Variants in ZNF423 observed in about 807,000 individuals in gnomAD.
The protein encoded by ZNF423 is Ebf-associated zinc finger protein.
A neutral mutation model predicts 95.8 loss-of-function variants in ZNF423; 12 were observed. That is an observed-to-expected ratio of 0.13 (90% confidence interval 0.08 to 0.20). The LOEUF (loss-of-function observed/expected upper bound fraction) is 0.20, where lower values mean the gene tolerates loss of function less well. ZNF423 is among the 10% of genes least tolerant of loss of function. The probability of loss-of-function intolerance (pLI) is 1.00; values close to 1 mark genes in which losing one functional copy is unlikely to be tolerated. For synonymous variants in ZNF423, 749 were observed against 711.9 expected (o/e 1.05, Z -0.83); for missense variants, 1,316 against 1,737.1 (o/e 0.76, Z 4.31).
chr16:49,789,461 T>G lies in ZNF423; in HGVS notation c.100+26A>C, dbSNP rs1360948918. The G allele has an allele frequency of 1.9e-6, 3 of 1,608,582 alleles. No individual in the cohort carries two copies. In the Admixed American group the frequency reaches 5.1e-5, roughly 28 times the overall value. On this transcript the variant is annotated intron_variant, in intron 2 of 7. Coordinates refer to ENST00000563137, the MANE Select transcript of ZNF423 (RefSeq NM_001379286.1). ...GCCAGCCCCCAGGACCCCCTGCAAC[T>G]CTTCCACCAGCCCCCGGGCATTTAC...
intron 7 of ZNF423, among the ~76,000 whole-genome samples, chr16:49,505,418 A>G (rs1967590800): frequency 6.6e-6 from 1 of 152,206 alleles, no homozygotes; most frequent in African/African-American, 2.4e-5. Flanking sequence ...AAATTTCTAG[A>G]AAATTAAGTC....
chr16:49,550,897 T>C (rs1422795532), intron 5 of ZNF423, among the ~76,000 whole-genome samples: 2 of 152,164 alleles, frequency 1.3e-5, no homozygotes, highest in Non-Finnish European at 2.9e-5. Context: ...TGCCTGGGAG[T>C]GACCTCCATC....
At chr16:49,678,452 G>T (rs959919843) in intron 3 of ZNF423, among the ~76,000 whole-genome samples, 1 of 152,194 alleles carries the variant, frequency 6.6e-6, no homozygotes, top group Non-Finnish European at 1.5e-5. Context: ...ATATCACAAA[G>T]TCCCTGTCCT....
chr16:49,624,057 G>T (rs1050152860), intron 5 of ZNF423, among the ~76,000 whole-genome samples: 1 of 152,140 alleles, frequency 6.6e-6, no homozygotes, highest in African/African-American at 2.4e-5. Flanking sequence ...GTATTTGTCA[G>T]CATTTACTAA....
At chr16:49,844,826 C>T (rs899123196) in intron 1 of ZNF423, among the ~76,000 whole-genome samples, 1 of 152,072 alleles carries the variant, frequency 6.6e-6, no homozygotes. Context: ...CACCTGAGGT[C>T]GGGAGATCAA....
intron 3 of ZNF423, among the ~76,000 whole-genome samples, chr16:49,672,899 G>A (rs539262991): frequency 6.6e-6 from 1 of 152,064 alleles, no homozygotes; most frequent in Non-Finnish European, 1.5e-5. Context: ...TAAATGTACC[G>A]AGTGTCCACA....
chr16:49,662,835 C>A (rs553728315), intron 3 of ZNF423, among the ~76,000 whole-genome samples: 1 of 152,350 alleles, frequency 6.6e-6, no homozygotes, highest in East Asian at 1.9e-4. Flanking sequence ...CCAGAGCATG[C>A]AAACTTTTCA....
intron 1 of ZNF423, among the ~76,000 whole-genome samples, chr16:49,800,575 G>GACACACAC (rs71138006): frequency 6.7e-6 from 1 of 150,050 alleles, no homozygotes; most frequent in African/African-American, 2.5e-5. Flanking sequence ...ACCTGGACAT[G>GACACACAC]ACACACACAC....
chr16:49,653,927 T>C (rs148350504), intron 3 of ZNF423, among the ~76,000 whole-genome samples: 1 of 152,296 alleles, frequency 6.6e-6, no homozygotes, highest in Non-Finnish European at 1.5e-5. Flanking sequence ...CTTTTTGAAC[T>C]TCAGACTGGT....
intron 5 of ZNF423, among the ~76,000 whole-genome samples, chr16:49,554,236 C>T (rs977453100): frequency 1.3e-5 from 2 of 152,168 alleles, no homozygotes; most frequent in Admixed American, 6.5e-5. Flanking sequence ...CTAAGGACTT[C>T]CTCCCTTCCC....
chr16:49,520,337 C>T (rs1383917481), intron 7 of ZNF423, among the ~76,000 whole-genome samples: 1 of 152,198 alleles, frequency 6.6e-6, no homozygotes, highest in Non-Finnish European at 1.5e-5. Flanking sequence ...TTGGGCAGAG[C>T]CCTCCGAACT....
intron 5 of ZNF423, among the ~76,000 whole-genome samples, chr16:49,525,871 A>G (rs1968583336): frequency 6.6e-6 from 1 of 152,242 alleles, no homozygotes; most frequent in Admixed American, 6.5e-5. Flanking sequence ...TAAAAAATCC[A>G]ATCAAATATT....
At chr16:49,626,704 C>T (rs66631545) in intron 4 of ZNF423, among the ~76,000 whole-genome samples, 28,854 of 150,158 alleles carry the variant, frequency 0.19, 3,274 homozygotes, top group African/African-American at 0.31. Flanking sequence ...TACCATCCAT[C>T]CTCCATCTAC....
chr16:49,598,932 A>C (rs761742766), intron 5 of ZNF423, among the ~76,000 whole-genome samples: 5 of 152,248 alleles, frequency 3.3e-5, no homozygotes, highest in Non-Finnish European at 7.3e-5. Flanking sequence ...TGCTCAACTT[A>C]CTATCTTTAA....
chr16:49,833,168 G>A lies in ZNF423; in HGVS notation c.40+22567C>T, dbSNP rs373741077. Among the ~76,000 whole-genome samples the A allele has an allele frequency of 2.2e-3, 339 of 152,314 alleles. 13 individuals carry two copies. In the South Asian group the frequency reaches 0.068, roughly 31 times the overall value. Reference sequence around the variant, plus strand: ...CGCACAAGCTTGGGGAGGTTTATCCGCTTTCACAAGCTCCGCCCAGCAGGC... The same window carrying A: ...CGCACAAGCTTGGGGAGGTTTATCCACTTTCACAAGCTCCGCCCAGCAGGC... On this transcript the variant is annotated intron_variant, in intron 1 of 7. Coordinates refer to ENST00000563137, the MANE Select transcript of ZNF423 (RefSeq NM_001379286.1).
At chr16:49,583,594 CAT>C (rs891193468) in intron 5 of ZNF423, among the ~76,000 whole-genome samples, 13 of 152,180 alleles carry the variant, frequency 8.5e-5, no homozygotes, top group South Asian at 2.1e-4. Context: ...TTCACACACA[CAT>C]ATATATATAC....
intron 5 of ZNF423, among the ~76,000 whole-genome samples, chr16:49,566,543 G>C (rs1462205348): frequency 6.6e-6 from 1 of 152,192 alleles, no homozygotes. Context: ...TGTGGTGGGG[G>C]AGGCCACCTC....
intron 3 of ZNF423, among the ~76,000 whole-genome samples, chr16:49,713,524 C>T (rs1235167895): frequency 1.3e-5 from 2 of 152,118 alleles, no homozygotes. Context: ...CAGCCAGTCT[C>T]TCCAGGTGGC....
At chr16:49,648,356 A>G (rs995293795) in intron 3 of ZNF423, among the ~76,000 whole-genome samples, 2 of 152,304 alleles carry the variant, frequency 1.3e-5, no homozygotes, top group Non-Finnish European at 2.9e-5. Flanking sequence ...AAGAACTGTT[A>G]AGCAGGCCAG....
Sources: gnomAD v4.1 joint callset for allele counts (sites outside exome capture counted in the v4.1 genomes callset) on GRCh38, gnomAD v4.1.1 for gene constraint, MANE v1.5 for transcripts, NCBI Gene and HGNC (gene_info 2026-07-23, HGNC 2026-07-21) for gene names.